Variants in PAFAH1B2 observed in about 807,000 individuals in gnomAD.
The protein encoded by PAFAH1B2 is platelet activating factor acetylhydrolase 1b catalytic subunit 2, also known as platelet-activating factor acetylhydrolase IB subunit alpha2.
Under a neutral mutation model 28.0 loss-of-function variants are expected in PAFAH1B2, and 8 were observed. The observed-to-expected ratio is 0.29, with a 90% CI of 0.17 to 0.52. PAFAH1B2 has a LOEUF of 0.52. Ranked by LOEUF, PAFAH1B2 falls within the 20% of genes least tolerant of loss-of-function variation. The probability of loss-of-function intolerance (pLI) is 0.97; values close to 1 mark genes in which losing one functional copy is unlikely to be tolerated. For missense variants in PAFAH1B2, 190 were observed against 282.6 expected (o/e 0.67, Z 2.35); for synonymous variants, 104 against 103.2 (o/e 1.01, Z -0.05).
chr11:117,171,063 G>A (rs1337955742), downstream of PAFAH1B2: 9 of 1,025,434 alleles, frequency 8.8e-6, no homozygotes, highest in Admixed American at 1.2e-4. Flanking sequence ...GTGTCTTTCT[G>A]TCTCCTTTAT....
At chr11:117,164,031 A>G (rs1956439909) in intron 5 of PAFAH1B2, 139 bp downstream of exon 5, 2 of 819,618 alleles carry the variant, frequency 2.4e-6, no homozygotes, top group Non-Finnish European at 4.0e-6. Context: ...CTCTTCTTTA[A>G]TGTATTTTAC....
chr11:117,160,363 A>AAT (rs1233674142), intron 3 of PAFAH1B2, among the ~76,000 whole-genome samples: 8 of 152,178 alleles, frequency 5.3e-5, no homozygotes, highest in Non-Finnish European at 1.0e-4. Flanking sequence ...CATTTATCCT[A>AAT]GTCATGATTC....
chr11:117,147,661 A>G (rs1189032112), intron 1 of PAFAH1B2, among the ~76,000 whole-genome samples: 1 of 152,242 alleles, frequency 6.6e-6, no homozygotes, highest in African/African-American at 2.4e-5. Flanking sequence ...GGCATCAGTA[A>G]AACTGAAAGC....
chr11:117,171,481 A>C, downstream of PAFAH1B2: 1 of 553,792 alleles, frequency 1.8e-6, no homozygotes, highest in Non-Finnish European at 3.3e-6. Flanking sequence ...GGTTACCGTG[A>C]GACGAGATTG....
At chr11:117,163,072 A>G (rs1236464546) in intron 4 of PAFAH1B2, among the ~76,000 whole-genome samples, 2 of 152,184 alleles carry the variant, frequency 1.3e-5, no homozygotes, top group Non-Finnish European at 2.9e-5. Context: ...CTGCATGATG[A>G]TATAATTCTC....
intron 2 of PAFAH1B2, chr11:117,159,718 G>C (rs916222720): frequency 8.3e-6 from 4 of 480,078 alleles, no homozygotes; most frequent in African/African-American, 2.0e-5. Context: ...CTGGGTGAGA[G>C]AGCCAGACGC....
At chr11:117,174,053 T>C (rs887160371), downstream of PAFAH1B2, among the ~76,000 whole-genome samples, 1 of 152,180 alleles carries the variant, frequency 6.6e-6, no homozygotes, top group African/African-American at 2.4e-5. Context: ...CTCCCACCCA[T>C]AGGCATGGCT....
rs1178886805 is a variant in PAFAH1B2 at position 117,168,895 on chromosome 11, A to AT, written c.*1198dup. ...AGCCTCCACCTCCCGAGTTCAAATG[A>AT]TTCTCCTGCCTCAGCTTCCTGAGTA... On this transcript the variant is annotated 3_prime_UTR_variant, in exon 6 of 6. Coordinates refer to ENST00000527958, the MANE Select transcript of PAFAH1B2 (RefSeq NM_002572.4). 1 of 357,498 alleles carries AT rather than the reference A, an allele frequency of 2.8e-6. No individual in the cohort carries two copies. Among genetic ancestry groups the AT allele is most frequent in the Admixed American group, 6.1e-5 (1 of 16,326 alleles). 22.1% of individuals were successfully genotyped at this position (357,498 alleles called of 1,614,324 possible).
rs1028071927 is a variant in PAFAH1B2 at position 117,170,435 on chromosome 11, G to A, written c.*2736G>A. On this transcript the variant is annotated 3_prime_UTR_variant, in exon 6 of 6. Coordinates refer to ENST00000527958, the MANE Select transcript of PAFAH1B2 (RefSeq NM_002572.4). ...TGGCAGCTTGAAGATGTACTGCCAC[G>A]GGTGATCTAGGGCAGGCTGTCTTCC... 7.6e-6 allele frequency: 8 copies of A among 1,058,624 alleles called. No individual in the cohort carries two copies. The highest frequency in any genetic ancestry group is 5.1e-5 in the East Asian group (1 of 19,510). The allele number at this position is 1,058,624 out of a possible 1,614,324, so 65.6% of individuals were successfully genotyped here.
intron 3 of PAFAH1B2, among the ~76,000 whole-genome samples, chr11:117,160,279 G>C (rs1050285360): frequency 6.6e-6 from 1 of 151,896 alleles, no homozygotes; most frequent in Non-Finnish European, 1.5e-5. Context: ...TGTTATATTT[G>C]TTTATATTTG....
Position 117,167,658 on chromosome 11 carries a change from T to C in PAFAH1B2, c.649T>C (p.Leu217=). The C allele has an allele frequency of 1.3e-6, 2 of 1,576,390 alleles. No homozygotes were observed. Among genetic ancestry groups the C allele is most frequent in the Non-Finnish European group, 1.7e-6 (2 of 1,154,120 alleles). Residue 217 remains leucine, a synonymous_variant, in exon 6 of 6, where the codon TTG becomes CTG. Coordinates refer to ENST00000527958, the MANE Select transcript of PAFAH1B2 (RefSeq NM_002572.4). Reference sequence around the variant, plus strand: ...CCTGCATGAACTGATCATGCAGTTGTTGGAGGAAACACCTGAGGAGAAACA... The same window carrying C: ...CCTGCATGAACTGATCATGCAGTTGCTGGAGGAAACACCTGAGGAGAAACA... ...KPLHELIMQL[L]EETPEEKQTT... is the part of the protein sequence containing the mutation.
intron 2 of PAFAH1B2, chr11:117,159,486 A>G (rs1028978003): frequency 1.3e-5 from 2 of 153,502 alleles, no homozygotes; most frequent in African/African-American, 4.8e-5. Flanking sequence ...TAATCCCAGC[A>G]CTTTGGAAGG....
Position 117,144,339 on chromosome 11 carries a change from C to G in PAFAH1B2, c.-87C>G. 2.4e-6 allele frequency: 1 copy of G among 416,156 alleles called. No homozygotes were observed. The highest frequency in any genetic ancestry group is 4.9e-6 in the Non-Finnish European group (1 of 204,768). The allele number at this position is 416,156 out of a possible 1,614,324, so 25.8% of individuals were successfully genotyped here. A position where few individuals can be genotyped will look rare whatever the true frequency, so the allele number is the denominator to read the frequency against. On this transcript the variant is annotated 5_prime_UTR_variant, in exon 1 of 6. Transcript: ENST00000527958. The stretch of plus-strand genomic sequence containing the variant: ...GGAGGAGGGACGCGCCGGAGCGGGA[C>G]CGACGGGACCGAGCGAGCGACCGAC...
At chr11:117,145,224 C>T (rs1199314931) in intron 1 of PAFAH1B2, among the ~76,000 whole-genome samples, 1 of 152,166 alleles carries the variant, frequency 6.6e-6, no homozygotes, top group African/African-American at 2.4e-5. Context: ...AGATCCGTGC[C>T]TTCTGGTCTA....
intron 1 of PAFAH1B2, among the ~76,000 whole-genome samples, chr11:117,151,013 T>A (rs1311673925): frequency 2.0e-5 from 3 of 151,362 alleles, no homozygotes; most frequent in Non-Finnish European, 4.4e-5. Context: ...AAAGATGACC[T>A]TCTTTTCTAT....
chr11:117,146,442 A>G (rs560948726), intron 1 of PAFAH1B2, among the ~76,000 whole-genome samples: 1 of 152,072 alleles, frequency 6.6e-6, no homozygotes, highest in Non-Finnish European at 1.5e-5. Flanking sequence ...TTCTTATTTT[A>G]TGTGTCCATA....
chr11:117,144,641 G>T (rs908601137), intron 1 of PAFAH1B2, among the ~76,000 whole-genome samples: 10 of 152,086 alleles, frequency 6.6e-5, no homozygotes, highest in Non-Finnish European at 1.5e-5. Context: ...TTCGCTCTGA[G>T]AGCCCTTTCC....
intron 1 of PAFAH1B2, among the ~76,000 whole-genome samples, chr11:117,149,876 C>T (rs564965798): frequency 2.2e-4 from 34 of 151,900 alleles, no homozygotes; most frequent in Non-Finnish European, 4.6e-4. Flanking sequence ...GATTCTAGGC[C>T]GAGCTCAGGA....
intron 1 of PAFAH1B2, among the ~76,000 whole-genome samples, chr11:117,146,346 G>A (rs887776756): frequency 6.6e-6 from 1 of 151,930 alleles, no homozygotes; most frequent in Non-Finnish European, 1.5e-5. Context: ...ACCCGCCTCG[G>A]CCTCCCAAAG....
Sources: allele counts gnomAD v4.1 joint callset (sites outside exome capture counted in the v4.1 genomes callset), GRCh38; gene constraint gnomAD v4.1.1; transcripts MANE v1.5; gene names NCBI Gene and HGNC (gene_info 2026-07-23, HGNC 2026-07-21).